Variants in LTBP1 observed in about 807,000 individuals in gnomAD.
LTBP1 encodes the protein latent-transforming growth factor beta-binding protein 1.
A neutral mutation model predicts 207.6 loss-of-function variants in LTBP1; 129 were observed. The observed-to-expected ratio is 0.62, with a 90% confidence interval of 0.54 to 0.72. LTBP1 has a LOEUF of 0.72. Ranked by LOEUF, LTBP1 falls within the 30% of genes least tolerant of loss-of-function variation. The pLI, the probability that LTBP1 is intolerant of heterozygous loss-of-function variation, is 0.00. For missense variants in LTBP1, 2,281 were observed against 2,217.2 expected, an observed-to-expected ratio of 1.03 and a Z score of -0.58; for synonymous variants, 963 against 833.7, an observed-to-expected ratio of 1.16 and a Z score of -2.67.
chr2:33,142,794 C>G (rs1392113182), intron 5 of LTBP1, among the ~76,000 whole-genome samples: 1 of 152,198 alleles, frequency 6.6e-6, no homozygotes, highest in Non-Finnish European at 1.5e-5. Flanking sequence ...TAAGCCATTC[C>G]TGGCCTGTAT....
At chr2:33,159,969 C>T (rs887359142) in intron 5 of LTBP1, among the ~76,000 whole-genome samples, 3 of 152,090 alleles carry the variant, frequency 2.0e-5, no homozygotes, top group Non-Finnish European at 2.9e-5. Context: ...GCCACCTCTG[C>T]CTCCCGGGCT....
At chr2:33,020,531 T>C (rs1458904551) in intron 2 of LTBP1, among the ~76,000 whole-genome samples, 2 of 152,212 alleles carry the variant, frequency 1.3e-5, no homozygotes, top group Admixed American at 6.5e-5. Context: ...TTAAGAATGA[T>C]AGCTTTGGAG....
At chr2:33,299,773 A>G (rs957819275) in intron 20 of LTBP1, among the ~76,000 whole-genome samples, 10 of 152,232 alleles carry the variant, frequency 6.6e-5, no homozygotes, top group African/African-American at 2.4e-4. Context: ...CTTCAGTTGT[A>G]TAACTTCGTA....
chr2:33,341,729 A>AAAAAAAAAAT (rs745445793), intron 24 of LTBP1, among the ~76,000 whole-genome samples: 14 of 93,618 alleles, frequency 1.5e-4, no homozygotes, highest in African/African-American at 6.6e-4. Context: ...AAAAAAAAAA[A>AAAAAAAAAAT]ATATATATAT....
chr2:33,078,734 T>C (rs934560628), intron 3 of LTBP1, among the ~76,000 whole-genome samples: 6 of 152,220 alleles, frequency 3.9e-5, no homozygotes, highest in African/African-American at 1.4e-4. Flanking sequence ...AAGAGTGGCA[T>C]ATCACTAAGC....
intron 3 of LTBP1, among the ~76,000 whole-genome samples, chr2:33,066,074 A>G (rs185480435): frequency 1.5e-3 from 231 of 152,302 alleles, no homozygotes; most frequent in Admixed American, 3.9e-3. Context: ...ATATAATACT[A>G]TGAACTTTCT....
intron 5 of LTBP1, among the ~76,000 whole-genome samples, chr2:33,164,352 GA>G (rs56916166): frequency 0.016 from 443 of 28,224 alleles, 1 homozygote; most frequent in Non-Finnish European, 0.022. Context: ...TTCCTCTCAG[GA>G]AAAAAAAAAA....
intron 3 of LTBP1, among the ~76,000 whole-genome samples, chr2:33,078,862 C>CTTTTCTTTTTTTT (rs1367646259): frequency 1.2e-3 from 126 of 106,876 alleles, no homozygotes; most frequent in Middle Eastern, 7.8e-3. Flanking sequence ...CTTTTCTTTT[C>CTTTTCTTTTTTTT]TTTTTTTTTT....
intron 3 of LTBP1, among the ~76,000 whole-genome samples, chr2:33,046,657 C>A (rs1415895307): frequency 8.0e-6 from 1 of 125,188 alleles, no homozygotes; most frequent in African/African-American, 2.5e-5. Flanking sequence ...CCCTCTTTTT[C>A]TACTGTTTGG....
intron 10 of LTBP1, among the ~76,000 whole-genome samples, chr2:33,247,180 G>A (rs1282091951): frequency 1.3e-5 from 2 of 152,226 alleles, no homozygotes; most frequent in Admixed American, 1.3e-4. Context: ...AGAAATGGAG[G>A]GTTAGAGAGA....
intron 5 of LTBP1, among the ~76,000 whole-genome samples, chr2:33,173,146 A>G (rs1229789990): frequency 1.3e-5 from 2 of 152,192 alleles, no homozygotes; most frequent in Non-Finnish European, 2.9e-5. Context: ...GCAAGAAATA[A>G]CTAAAATCAG....
intron 9 of LTBP1, among the ~76,000 whole-genome samples, chr2:33,242,948 A>G (rs1373605389): frequency 6.6e-6 from 1 of 152,140 alleles, no homozygotes; most frequent in African/African-American, 2.4e-5. Flanking sequence ...GAATTGTACC[A>G]GCTCTGTTTC....
intron 26 of LTBP1, among the ~76,000 whole-genome samples, chr2:33,359,490 G>T (rs766073279): frequency 4.6e-5 from 7 of 152,170 alleles, no homozygotes; most frequent in Non-Finnish European, 1.0e-4. Context: ...ACAAAGGTAA[G>T]TGTAAGTATG....
intron 2 of LTBP1, among the ~76,000 whole-genome samples, chr2:33,015,114 C>G (rs1476290402): frequency 6.6e-6 from 1 of 151,992 alleles, no homozygotes; most frequent in Non-Finnish European, 1.5e-5. Flanking sequence ...TCTCTTTGAC[C>G]TTGACCAGTT....
At chr2:33,051,536 G>A (rs1400058521) in intron 3 of LTBP1, among the ~76,000 whole-genome samples, 1 of 152,162 alleles carries the variant, frequency 6.6e-6, no homozygotes, top group African/African-American at 2.4e-5. Flanking sequence ...GACTGTGGTG[G>A]TCCTCTCCTA....
intron 7 of LTBP1, among the ~76,000 whole-genome samples, chr2:33,201,097 T>C (rs185927735): frequency 8.5e-5 from 13 of 152,258 alleles, no homozygotes; most frequent in Admixed American, 2.6e-4. Flanking sequence ...GAATTAGAAA[T>C]ACCATTTGAC....
At chr2:33,337,308 A>C (rs1158452664) in intron 24 of LTBP1, among the ~76,000 whole-genome samples, 1 of 152,226 alleles carries the variant, frequency 6.6e-6, no homozygotes, top group African/African-American at 2.4e-5. Flanking sequence ...GGATCTGCCA[A>C]GTAGATCAAT....
At chr2:33,176,011 G>T (rs1179382994) in intron 5 of LTBP1, among the ~76,000 whole-genome samples, 15 of 148,240 alleles carry the variant, frequency 1.0e-4, no homozygotes, top group South Asian at 8.7e-4. Flanking sequence ...GTTGTGGGGT[G>T]GGGGGAGGCG....
At chr2:33,275,393 A>G (rs1436056227) in intron 17 of LTBP1, among the ~76,000 whole-genome samples, 1 of 152,148 alleles carries the variant, frequency 6.6e-6, no homozygotes, top group East Asian at 1.9e-4. Flanking sequence ...GAAAGTAGAA[A>G]TCAGTTACTG....
Sources: allele counts gnomAD v4.1 joint callset (sites outside exome capture counted in the v4.1 genomes callset), GRCh38; gene constraint gnomAD v4.1.1; transcripts MANE v1.5; gene names NCBI Gene and HGNC (gene_info 2026-07-23, HGNC 2026-07-21).